The following CNTF variants were observed in gnomAD, a reference collection of about 807,000 sequenced individuals.
The protein encoded by CNTF is Ciliary Neuronotrophic Factor.
A neutral mutation model predicts 13.0 loss-of-function variants in CNTF; 14 were observed. The observed-to-expected ratio is 1.07, with a 90% confidence interval of 0.71 to 1.68. The LOEUF (loss-of-function observed/expected upper bound fraction) is 1.68, where lower values mean the gene tolerates loss of function less well. Among genes scored for constraint, CNTF ranks in the 40% most tolerant of loss-of-function variants. CNTF has a pLI of 0.00. For synonymous variants in CNTF, 98 were observed against 92.4 expected (o/e 1.06, Z -0.35); for missense variants, 283 against 252.5 (o/e 1.12, Z -0.82).
intron 1 of CNTF, 95 bp downstream of exon 1, chr11:58,622,961 G>A: frequency 1.1e-5 from 9 of 853,546 alleles, no homozygotes; most frequent in South Asian, 5.7e-5. Context: ...AATTGTGAAA[G>A]CTCTAATCAT....
chr11:58,624,105 T>G lies in CNTF; in HGVS notation c.186T>G (p.Asp62Glu). The change falls in exon 2 of 2, where the codon GAT becomes GAG. Residue 62 changes from aspartate to glutamate, a missense_variant. By Grantham distance (45) the Asp-to-Glu change is conservative. Coordinates refer to ENST00000361987, the MANE Select transcript of CNTF (RefSeq NM_000614.4). ...ATGGGATGCCAGTGGCAAGCACTGA[T>G]CAGTGGAGTGAGCTGACCGAGGCAG... ...SADGMPVAST[D>E]QWSELTEAER... 1 of 1,612,242 alleles carries G rather than the reference T, an allele frequency of 6.2e-7. No individual in the cohort carries two copies. The highest frequency in any genetic ancestry group is 8.5e-7 in the Non-Finnish European group (1 of 1,178,984).
intron 1 of CNTF, among the ~76,000 whole-genome samples, chr11:58,623,670 G>A (rs1590636715): frequency 6.6e-6 from 1 of 152,166 alleles, no homozygotes; most frequent in East Asian, 1.9e-4. Context: ...CCTAGTTGTG[G>A]CCAGTGTCTT....
intron 1 of CNTF, 73 bp from the exon 2 acceptor site, chr11:58,623,961 T>G: frequency 3.2e-6 from 5 of 1,550,102 alleles, no homozygotes; most frequent in Non-Finnish European, 4.3e-6. Flanking sequence ...AGATTTTGTA[T>G]GAAATTTAGG....
chr11:58,624,577 C>T lies in CNTF; in HGVS notation c.*55C>T, dbSNP rs1222250093. The T allele has an allele frequency of 3.1e-6, 5 of 1,593,198 alleles. No individual in the cohort carries two copies. Among genetic ancestry groups the T allele is most frequent in the Non-Finnish European group, 2.6e-6 (3 of 1,169,786 alleles). ...CTCTTCTAATGGAATATGCGTAGTT[C>T]CCTGGGGCCTCGCTTTCCCATCTTA... On this transcript the variant is annotated 3_prime_UTR_variant, in exon 2 of 2. Coordinates refer to ENST00000361987, the MANE Select transcript of CNTF (RefSeq NM_000614.4).
At position 58,624,329 on chromosome 11, in the gene CNTF, A is replaced by G. The variant is rs148262549; in HGVS notation, c.410A>G (p.Asn137Ser). The change falls in exon 2 of 2, where the codon AAT becomes AGT. Residue 137 changes from asparagine to serine, a missense_variant. Transcript: ENST00000361987. Reference protein sequence around the residue: ...MILLEYKIPRNEADGMPINVG... With the variant: ...MILLEYKIPRSEADGMPINVG... ...CTCCTGGAATACAAGATCCCCCGCA[A>G]TGAGGCTGATGGGATGCCTATTAAT... 76 of 1,613,698 alleles carry G rather than the reference A, an allele frequency of 4.7e-5. No homozygotes were observed. The highest frequency in any genetic ancestry group is 1.6e-4 in the Middle Eastern group (1 of 6,084).
rs914604011 is a variant in CNTF at position 58,625,642 on chromosome 11, G to A, written c.*1120G>A. On this transcript the variant is annotated 3_prime_UTR_variant, in exon 2 of 2. Coordinates refer to ENST00000361987, the MANE Select transcript of CNTF (RefSeq NM_000614.4). Reference sequence around the variant, plus strand: ...TTTCACCTCAGATTTTCTGGACTTAGTCATGAGGAGAGGGTGAGGCCCACT... The same window carrying A: ...TTTCACCTCAGATTTTCTGGACTTAATCATGAGGAGAGGGTGAGGCCCACT... 2 of 152,156 alleles carry A rather than the reference G, an allele frequency of 1.3e-5. No individual in the cohort carries two copies. Among genetic ancestry groups the A allele is most frequent in the East Asian group, 1.9e-4 (1 of 5,190 alleles). The allele number at this position is 152,156 out of a possible 1,614,324, so 9.4% of individuals were successfully genotyped here.
At chr11:58,623,861 A>G (rs751753923) in intron 1 of CNTF, among the ~76,000 whole-genome samples, 173 bp from the exon 2 acceptor site, 1 of 152,174 alleles carries the variant, frequency 6.6e-6, no homozygotes, top group Non-Finnish European at 1.5e-5. Flanking sequence ...GGGTCTTTCT[A>G]AAGTCCAGTC....
chr11:58,622,856 C>G lies in CNTF; in HGVS notation c.104C>G (p.Thr35Arg), dbSNP rs368279696. The G allele has an allele frequency of 3.7e-6, 6 of 1,612,700 alleles. No homozygotes were observed. The Admixed American group carries it at 5.0e-5, about 13-fold the overall frequency. Residue 35 changes from threonine (T) to arginine (R), a missense_variant, in exon 1 of 2, where the codon ACG becomes AGG. By Grantham distance (71) the Thr-to-Arg change is moderately conservative. Transcript: ENST00000361987. ...RKIRSDLTAL[T>R]ESYVKHQGLN... is the part of the protein sequence containing the mutation. The stretch of plus-strand genomic sequence containing the variant: ...ATTCGTTCAGACCTGACTGCTCTTA[C>G]GGAATCCTATGTAAGTTGCCTATTT...
rs1240839296 is a variant in CNTF at position 58,624,479 on chromosome 11, C to T, written c.560C>T (p.Pro187Leu). ...RFISSHQTGI[P>L]ARGSHYIANN... The stretch of plus-strand genomic sequence containing the variant: ...ATTTCTTCTCATCAGACTGGGATCC[C>T]AGCACGTGGGAGCCATTATATTGCT... The change falls in exon 2 of 2, where the codon CCA becomes CTA. Residue 187 changes from proline to leucine, a missense_variant. Physicochemically the swap from Pro to Leu is moderately conservative, Grantham distance 98 (BLOSUM62 -3). Coordinates refer to ENST00000361987, the MANE Select transcript of CNTF (RefSeq NM_000614.4). 3 of 1,613,992 alleles carry T rather than the reference C, an allele frequency of 1.9e-6. No individual in the cohort carries two copies. The highest frequency in any genetic ancestry group is 1.7e-6 in the Non-Finnish European group (2 of 1,179,974).
At position 58,624,666 on chromosome 11, in the gene CNTF, T is replaced by A; in HGVS notation, c.*144T>A. On this transcript the variant is annotated 3_prime_UTR_variant, in exon 2 of 2. Coordinates refer to ENST00000361987, the MANE Select transcript of CNTF (RefSeq NM_000614.4). ...CTTTTTTCTCTGACCACCTGCAGCC[T>A]GTTGAAGGACTACAGGTATTTTCAT... The A allele has an allele frequency of 1.1e-6, 1 of 905,554 alleles. No homozygotes were observed. The highest frequency in any genetic ancestry group is 1.7e-6 in the Non-Finnish European group (1 of 589,618). The allele number at this position is 905,554 out of a possible 1,614,324, so 56.1% of individuals were successfully genotyped here. A position where few individuals can be genotyped will look rare whatever the true frequency, so the allele number is the denominator to read the frequency against.
rs1461930640 is a variant in CNTF at position 58,624,754 on chromosome 11, G to A, written c.*232G>A. ...GTTTAGCCTGGGGGGTGTGATTTGT[G>A]TGCGTGCTTGCATGTGCTGCAGGTG... is the stretch of plus-strand genomic sequence containing the variant. On this transcript the variant is annotated 3_prime_UTR_variant, in exon 2 of 2. Coordinates refer to ENST00000361987, the MANE Select transcript of CNTF (RefSeq NM_000614.4). 4.1e-6 allele frequency: 2 copies of A among 489,984 alleles called. No homozygotes were observed. The highest frequency in any genetic ancestry group is 7.4e-6 in the Non-Finnish European group (2 of 270,858). 30.4% of individuals were successfully genotyped at this position (489,984 alleles called of 1,614,324 possible). A position where few individuals can be genotyped will look rare whatever the true frequency, so the allele number is the denominator to read the frequency against.
At position 58,622,678 on chromosome 11, in the gene CNTF, C is replaced by CA; in HGVS notation, c.-74dup. 1 of 1,080,344 alleles carries CA rather than the reference C, an allele frequency of 9.3e-7. No individual in the cohort carries two copies. The highest frequency in any genetic ancestry group is 1.4e-6 in the Non-Finnish European group (1 of 706,122). 66.9% of individuals were successfully genotyped at this position (1,080,344 alleles called of 1,614,324 possible). A position where few individuals can be genotyped will look rare whatever the true frequency, so the allele number is the denominator to read the frequency against. ...CCCAGTGGGTTTAGTCTTTGAGAGT[C>CA]ACATCTCTTATTTGGACCAGTATAG... On this transcript the variant is annotated 5_prime_UTR_variant, in exon 1 of 2. Transcript: ENST00000361987.
intron 1 of CNTF, among the ~76,000 whole-genome samples, chr11:58,623,303 A>G (rs1484005528): frequency 2.6e-5 from 4 of 152,234 alleles, no homozygotes; most frequent in Non-Finnish European, 4.4e-5. Context: ...AATTTCTCCT[A>G]TATAGCATTA....
chr11:58,624,499 A>G lies in CNTF; in HGVS notation c.580A>G (p.Ile194Val), dbSNP rs1378411383. The G allele has an allele frequency of 2.0e-5, 32 of 1,613,894 alleles. No homozygotes were observed. The highest frequency in any genetic ancestry group is 4.0e-5 in the African/African-American group (3 of 74,888). The change falls in exon 2 of 2, where the codon ATT (isoleucine) becomes GTT (valine). Residue 194 changes from isoleucine to valine, a missense_variant. By Grantham distance (29) the Ile-to-Val change is conservative. Coordinates refer to ENST00000361987, the MANE Select transcript of CNTF (RefSeq NM_000614.4). Reference protein sequence around the residue: ...TGIPARGSHYIANNKKM With the variant: ...TGIPARGSHYVANNKKM ...GATCCCAGCACGTGGGAGCCATTAT[A>G]TTGCTAACAACAAGAAAATGTAGCA...
At position 58,622,883 on chromosome 11, in the gene CNTF, G is replaced by C. The variant is rs977917974; in HGVS notation, c.114+17G>C. The C allele has an allele frequency of 5.7e-6, 9 of 1,571,464 alleles. No individual in the cohort carries two copies. The Admixed American group carries it at 6.7e-5, about 12-fold the overall frequency. ...GAATCCTATGTAAGTTGCCTATTTTGCTGTTATCTGTTTTCCCTTCATCTT... is the reference window on the plus strand; with the variant it reads ...GAATCCTATGTAAGTTGCCTATTTTCCTGTTATCTGTTTTCCCTTCATCTT... On this transcript the variant is annotated intron_variant, in intron 1 of 1. Transcript: ENST00000361987.
Position 58,624,169 on chromosome 11 carries a change from C to T in CNTF, c.250C>T (p.His84Tyr). Reference sequence around the variant, plus strand: ...GAACCTTCAAGCTTATCGTACCTTCCATGTTTTGTTGGCCAGGCTCTTAGA... The same window carrying T: ...GAACCTTCAAGCTTATCGTACCTTCTATGTTTTGTTGGCCAGGCTCTTAGA... ...QENLQAYRTF[H>Y]VLLARLLEDQ... is the part of the protein sequence containing the mutation. The change falls in exon 2 of 2, where the codon CAT becomes TAT. Residue 84 changes from histidine to tyrosine, a missense_variant. Physicochemically the swap from His to Tyr is moderately conservative, Grantham distance 83 (BLOSUM62 2). Transcript: ENST00000361987. The T allele has an allele frequency of 1.2e-6, 2 of 1,614,004 alleles. No homozygotes were observed. The highest frequency in any genetic ancestry group is 1.7e-6 in the Non-Finnish European group (2 of 1,179,982).
At position 58,624,334 on chromosome 11, in the gene CNTF, G is replaced by C. The variant is rs769592424; in HGVS notation, c.415G>C (p.Ala139Pro). 14 of 1,613,920 alleles carry C rather than the reference G, an allele frequency of 8.7e-6. No individual in the cohort carries two copies. The highest frequency in any genetic ancestry group is 1.1e-5 in the Non-Finnish European group (13 of 1,179,986). The change falls in exon 2 of 2, where the codon GCT becomes CCT. Residue 139 changes from alanine to proline, a missense_variant. Ala to Pro is a conservative substitution (Grantham distance 27). Coordinates refer to ENST00000361987, the MANE Select transcript of CNTF (RefSeq NM_000614.4). ...GGAATACAAGATCCCCCGCAATGAGGCTGATGGGATGCCTATTAATGTTGG... is the reference window on the plus strand; with the variant it reads ...GGAATACAAGATCCCCCGCAATGAGCCTGATGGGATGCCTATTAATGTTGG... Reference protein sequence around the residue: ...LLEYKIPRNEADGMPINVGDG... With the variant: ...LLEYKIPRNEPDGMPINVGDG...
In CNTF at chr11:58,624,162, T is replaced by C. The variant is rs1855894044; in HGVS notation, c.243T>C (p.Arg81=). ...TCCAAGAGAACCTTCAAGCTTATCGTACCTTCCATGTTTTGTTGGCCAGGC... is the reference window on the plus strand; with the variant it reads ...TCCAAGAGAACCTTCAAGCTTATCGCACCTTCCATGTTTTGTTGGCCAGGC... The part of the protein sequence containing the change: ...ERLQENLQAY[R]TFHVLLARLL... The change falls in exon 2 of 2, where the codon CGT becomes CGC. Residue 81 remains arginine, a synonymous_variant. Transcript: ENST00000361987. 1.2e-6 allele frequency: 2 copies of C among 1,613,992 alleles called. No individual in the cohort carries two copies. Among genetic ancestry groups the C allele is most frequent in the Non-Finnish European group, 1.7e-6 (2 of 1,180,002 alleles).
At chr11:58,623,531 G>C (rs146002814) in intron 1 of CNTF, among the ~76,000 whole-genome samples, 49 of 152,314 alleles carry the variant, frequency 3.2e-4, no homozygotes, top group African/African-American at 8.2e-4. Context: ...CCTGTGGAGA[G>C]TTTTGAATTT....
Sources: gnomAD v4.1 joint callset for allele counts (sites outside exome capture counted in the v4.1 genomes callset) on GRCh38, gnomAD v4.1.1 for gene constraint, MANE v1.5 for transcripts, NCBI Gene and HGNC (gene_info 2026-07-23, HGNC 2026-07-21) for gene names.